Variants in SLC30A8 observed in about 807,000 individuals in gnomAD.
SLC30A8 encodes the protein proton-coupled zinc antiporter SLC30A8.
In SLC30A8, 27 loss-of-function variants were observed where a neutral mutation model predicts 36.9. That is an observed-to-expected ratio of 0.73 (90% CI 0.54 to 1.01). The LOEUF (loss-of-function observed/expected upper bound fraction) is 1.01, where lower values mean the gene tolerates loss of function less well. SLC30A8 is among the 50% of genes least tolerant of loss of function. The pLI, the probability that SLC30A8 is intolerant of heterozygous loss-of-function variation, is 0.00. For missense variants in SLC30A8, 439 were observed against 452.0 expected, an observed-to-expected ratio of 0.97 and a Z score of 0.26; for synonymous variants, 164 against 172.4, an observed-to-expected ratio of 0.95 and a Z score of 0.38.
chr8:117,157,708 C>A lies in SLC30A8; in HGVS notation c.436C>A (p.Leu146Ile). The A allele has an allele frequency of 6.2e-7, 1 of 1,614,020 alleles. No individual in the cohort carries two copies. Residue 146 changes from leucine to isoleucine, a missense_variant, in exon 4 of 8, where the codon CTC (leucine) becomes ATC (isoleucine). Physicochemically the swap from Leu to Ile is conservative, Grantham distance 5 (BLOSUM62 2). Transcript: ENST00000456015. ...ATTCCTAGAGATCCTTGGTGCCCTG[C>A]TCTCCATCCTGTGCATCTGGGTGGT... ...WHRAEILGAL[L>I]SILCIWVVTG... is the part of the protein sequence containing the mutation.
chr8:117,048,197 C>G (rs1465550262), intron 2 of SLC30A8, among the ~76,000 whole-genome samples: 1 of 152,150 alleles, frequency 6.6e-6, no homozygotes, highest in Non-Finnish European at 1.5e-5. Context: ...ATTGGGACCC[C>G]TTTCTGGTAA....
chr8:117,160,371 C>T (rs544487522), intron 4 of SLC30A8, among the ~76,000 whole-genome samples: 1 of 151,392 alleles, frequency 6.6e-6, no homozygotes, highest in Non-Finnish European at 1.5e-5. Context: ...ACCCATAGTA[C>T]CAGTGGACTT....
intron 2 of SLC30A8, among the ~76,000 whole-genome samples, chr8:117,074,401 T>C (rs146058925): frequency 6.6e-6 from 1 of 152,304 alleles, no homozygotes; most frequent in Admixed American, 6.5e-5. Context: ...CCTAGTGTTT[T>C]CTTCTATAAA....
chr8:116,987,209 G>C (rs1404628984), intron 1 of SLC30A8, among the ~76,000 whole-genome samples: 1 of 150,078 alleles, frequency 6.7e-6, no homozygotes, highest in Non-Finnish European at 1.5e-5. Context: ...GTTCTGTTAA[G>C]GATGGATGAT....
At chr8:117,046,987 C>G (rs1185859938) in intron 2 of SLC30A8, among the ~76,000 whole-genome samples, 4 of 152,178 alleles carry the variant, frequency 2.6e-5, no homozygotes, top group Non-Finnish European at 4.4e-5. Context: ...AATGTTGACC[C>G]AGGCCAAGCC....
chr8:117,130,100 C>T (rs142083580), upstream of SLC30A8: 2 of 152,088 alleles, frequency 1.3e-5, no homozygotes, highest in African/African-American at 2.4e-5. Context: ...GCATTTTAAA[C>T]TGTAGACTTA....
intron 2 of SLC30A8, among the ~76,000 whole-genome samples, chr8:117,045,552 G>T (rs1008127550): frequency 6.6e-6 from 1 of 152,140 alleles, no homozygotes; most frequent in Non-Finnish European, 1.5e-5. Flanking sequence ...CAGTTTTATT[G>T]TGGATAAACA....
At chr8:116,980,015 A>G (rs986340305) in intron 1 of SLC30A8, among the ~76,000 whole-genome samples, 3 of 152,218 alleles carry the variant, frequency 2.0e-5, no homozygotes, top group Non-Finnish European at 4.4e-5. Context: ...ACAATGACCA[A>G]TACCCTAAAT....
At chr8:117,118,058 C>A (rs1390445120) in intron 2 of SLC30A8, among the ~76,000 whole-genome samples, 2 of 151,504 alleles carry the variant, frequency 1.3e-5, no homozygotes, top group Non-Finnish European at 2.9e-5. Context: ...TGTTAGAAGT[C>A]ACCAAAATTG....
At position 116,961,245 on chromosome 8, in the gene SLC30A8, C is replaced by T. The variant is rs943905116; in HGVS notation, c.-266+10126C>T. ...GAGATTGAGACCATCCTGGCTAACA[C>T]GGTGAAACCCCGTCTCTACTAAAAA... is the stretch of plus-strand genomic sequence containing the variant. On this transcript the variant is annotated intron_variant, in intron 1 of 10. Transcript: ENST00000427715. Among the ~76,000 whole-genome samples, 56 of 151,994 alleles carry T rather than the reference C, an allele frequency of 3.7e-4. 1 individual carries two copies. Among genetic ancestry groups the T allele is most frequent in the Admixed American group, 2.0e-4 (3 of 15,262 alleles).
intron 1 of SLC30A8, among the ~76,000 whole-genome samples, chr8:116,982,702 T>C (rs916732846): frequency 6.6e-6 from 1 of 152,148 alleles, no homozygotes; most frequent in Non-Finnish European, 1.5e-5. Context: ...ATTACATTGT[T>C]CCAGAATCTG....
At chr8:117,075,946 A>G (rs1818474582) in intron 2 of SLC30A8, among the ~76,000 whole-genome samples, 2 of 152,092 alleles carry the variant, frequency 1.3e-5, no homozygotes, top group South Asian at 4.1e-4. Context: ...GATACACAAT[A>G]TGGGTTTGTG....
intron 1 of SLC30A8, among the ~76,000 whole-genome samples, chr8:116,991,888 A>T (rs1333478240): frequency 6.6e-6 from 1 of 152,240 alleles, no homozygotes; most frequent in Admixed American, 6.5e-5. Flanking sequence ...CAACAGCCAC[A>T]TCTGATGATG....
At chr8:117,146,408 T>C (rs1388810383) in intron 1 of SLC30A8, among the ~76,000 whole-genome samples, 4 of 152,202 alleles carry the variant, frequency 2.6e-5, no homozygotes, top group African/African-American at 9.6e-5. Flanking sequence ...TAAGTAGGTT[T>C]CAACTCTTAT....
chr8:117,100,173 A>G (rs1343816961), intron 2 of SLC30A8, among the ~76,000 whole-genome samples: 2 of 152,140 alleles, frequency 1.3e-5, no homozygotes, highest in Non-Finnish European at 2.9e-5. Context: ...ATTTTTATAT[A>G]TTTCATTAAA....
At chr8:117,110,827 C>G (rs13269119) in intron 2 of SLC30A8, among the ~76,000 whole-genome samples, 17,249 of 152,074 alleles carry the variant, frequency 0.11, 1,246 homozygotes, top group Non-Finnish European at 0.16. Flanking sequence ...CACAATAGCC[C>G]CGAGAGATGA....
chr8:117,148,293 T>G (rs1474561658), intron 2 of SLC30A8, among the ~76,000 whole-genome samples: 1 of 152,096 alleles, frequency 6.6e-6, no homozygotes, highest in African/African-American at 2.4e-5. Flanking sequence ...GGACTGAATT[T>G]TTTTCTAAAT....
At chr8:117,168,480 C>G (rs1473598299) in intron 6 of SLC30A8, among the ~76,000 whole-genome samples, 2 of 152,046 alleles carry the variant, frequency 1.3e-5, no homozygotes. Context: ...TTCCTGGATG[C>G]ATTAATATTT....
intron 1 of SLC30A8, among the ~76,000 whole-genome samples, chr8:117,026,856 C>G (rs929138714): frequency 3.3e-5 from 5 of 152,018 alleles, no homozygotes; most frequent in Non-Finnish European, 7.4e-5. Flanking sequence ...AAACAAGAAA[C>G]CTGGGATCTA....
Sources: gnomAD v4.1 joint callset for allele counts (sites outside exome capture counted in the v4.1 genomes callset) on GRCh38, gnomAD v4.1.1 for gene constraint, MANE v1.5 for transcripts, NCBI Gene and HGNC (gene_info 2026-07-23, HGNC 2026-07-21) for gene names.